The following SCN9A variants were observed in gnomAD, a reference collection of about 807,000 sequenced individuals.
The protein encoded by SCN9A is sodium channel protein type 9 subunit alpha.
Under a neutral mutation model 187.0 loss-of-function variants are expected in SCN9A, and 131 were observed. The ratio of observed to expected loss-of-function variants is 0.70; its 90% CI spans 0.61 to 0.81. SCN9A has a LOEUF of 0.81. SCN9A is among the 30% of genes least tolerant of loss of function. SCN9A has a pLI of 0.00. For missense variants in SCN9A, 2,252 were observed against 2,396.6 expected (o/e 0.94, Z 1.26); for synonymous variants, 809 against 808.6 (o/e 1.00, Z -0.01).
chr2:166,351,237 G>T (rs1700026860), intron 1 of SCN9A, among the ~76,000 whole-genome samples: 1 of 152,134 alleles, frequency 6.6e-6, no homozygotes, highest in African/African-American at 2.4e-5. Flanking sequence ...GGTGAAATGA[G>T]AAAGTCAGAA....
intron 1 of SCN9A, among the ~76,000 whole-genome samples, chr2:166,350,152 T>A (rs900012652): frequency 7.2e-5 from 11 of 152,210 alleles, no homozygotes. Context: ...CTTTCAACTA[T>A]GATGTCAATA....
At chr2:166,309,943 G>A (rs1441094050) in intron 2 of SCN9A, among the ~76,000 whole-genome samples, 1 of 129,728 alleles carries the variant, frequency 7.7e-6, no homozygotes, top group Non-Finnish European at 1.6e-5. Flanking sequence ...CAGAAATAAC[G>A]CCACATATCT....
At chr2:166,284,315 T>C (rs1439586448) in intron 12 of SCN9A, 138 bp downstream of exon 12, 5 of 983,630 alleles carry the variant, frequency 5.1e-6, no homozygotes, top group Non-Finnish European at 7.5e-6. Flanking sequence ...GGCTAATGAA[T>C]CAAAGGTGTG....
intron 8 of SCN9A, among the ~76,000 whole-genome samples, chr2:166,294,084 G>A (rs1698196224): frequency 6.6e-6 from 1 of 152,160 alleles, no homozygotes. Flanking sequence ...GTGTAAGAGA[G>A]AAGCAGCAAG....
rs1697752108 is a variant in SCN9A at position 166,286,504 on chromosome 2, G to T, written c.1434C>A (p.Asn478Lys). The stretch of plus-strand genomic sequence containing the variant: ...TCTTTTGATTCTTTTTCTTTCTTCT[G>T]TTTCTTCTTTCTTTAGCACTTTTAG... The part of the protein sequence containing the change: ...LSSKSAKERR[N>K]RRKKKNQKKL... The change falls in exon 11 of 27, where the codon AAC becomes AAA. Residue 478 changes from asparagine to lysine, a missense_variant. Coordinates refer to ENST00000642356, the MANE Select transcript of SCN9A (RefSeq NM_001365536.1). The T allele has an allele frequency of 6.2e-7, 1 of 1,613,178 alleles. No homozygotes were observed. Among genetic ancestry groups the T allele is most frequent in the Non-Finnish European group, 8.5e-7 (1 of 1,179,650 alleles).
At position 166,286,632 on chromosome 2, in the gene SCN9A, G is replaced by T; in HGVS notation, c.1315-9C>A. The T allele has an allele frequency of 1.3e-6, 2 of 1,517,884 alleles. No homozygotes were observed. Among genetic ancestry groups the T allele is most frequent in the Non-Finnish European group, 1.8e-6 (2 of 1,138,798 alleles). 94.0% of individuals were successfully genotyped at this position (1,517,884 alleles called of 1,614,324 possible). ...GCTGCCGCTGCAATTGCCTGGTTGGGCCAAGACGTTAACACTTAAATGAGT... is the reference window on the plus strand; with the variant it reads ...GCTGCCGCTGCAATTGCCTGGTTGGTCCAAGACGTTAACACTTAAATGAGT... On this transcript the variant is annotated splice_polypyrimidine_tract_variant and intron_variant, in intron 10 of 26. Transcript: ENST00000642356.
chr2:166,337,170 A>C (rs1699649068), intron 1 of SCN9A, among the ~76,000 whole-genome samples: 1 of 152,100 alleles, frequency 6.6e-6, no homozygotes, highest in South Asian at 2.1e-4. Flanking sequence ...AAAGGCTGGA[A>C]ATGGCAGTTG....
intron 1 of SCN9A, among the ~76,000 whole-genome samples, chr2:166,320,017 A>C (rs1329325353): frequency 6.6e-6 from 1 of 152,168 alleles, no homozygotes; most frequent in Non-Finnish European, 1.5e-5. Flanking sequence ...GCAGAAAGAG[A>C]AAAGTTTACA....
chr2:166,296,247 C>T (rs1408019598), intron 7 of SCN9A: 1 of 152,144 alleles, frequency 6.6e-6, no homozygotes, highest in Non-Finnish European at 1.5e-5. Flanking sequence ...ATGTAAACCA[C>T]TTGATACTGT....
intron 17 of SCN9A, among the ~76,000 whole-genome samples, chr2:166,262,669 A>G (rs1696559442): frequency 6.6e-6 from 1 of 151,996 alleles, no homozygotes; most frequent in Non-Finnish European, 1.5e-5. Flanking sequence ...TTAAATTTAA[A>G]AAGACCCCCA....
At chr2:166,314,021 C>T (rs1229569995) in intron 1 of SCN9A, among the ~76,000 whole-genome samples, 1 of 152,144 alleles carries the variant, frequency 6.6e-6, no homozygotes, top group Admixed American at 6.6e-5. Context: ...TGATTGTTTG[C>T]TGTCTTATGT....
chr2:166,210,076 G>C (rs1314723222), intron 24 of SCN9A, among the ~76,000 whole-genome samples: 1 of 152,122 alleles, frequency 6.6e-6, no homozygotes, highest in African/African-American at 2.4e-5. Context: ...AACAATGATA[G>C]ACTGGATTAA....
At position 166,276,701 on chromosome 2, in the gene SCN9A, C is replaced by T. The variant is rs559900659; in HGVS notation, c.2874+282G>A. 4.7e-5 allele frequency: 9 copies of T among 192,672 alleles called. No homozygotes were observed. In the East Asian group the frequency reaches 1.1e-3, roughly 24 times the overall value. The allele number at this position is 192,672 out of a possible 1,614,324, so 11.9% of individuals were successfully genotyped here. ...ATTTACTAGTATAGCTTCAAGAGAG[C>T]ATATGCCATCACTTTCAAAATTAGA... On this transcript the variant is annotated intron_variant, in intron 16 of 26. Transcript: ENST00000642356.
intron 18 of SCN9A, among the ~76,000 whole-genome samples, chr2:166,245,223 A>T (rs1488579511): frequency 1.6e-4 from 24 of 152,090 alleles, no homozygotes; most frequent in Admixed American, 1.6e-3. Context: ...TTTGAGAAAC[A>T]ATTTGATATA....
chr2:166,276,541 T>A (rs1697244781), intron 16 of SCN9A: 1 of 152,746 alleles, frequency 6.5e-6, no homozygotes, highest in African/African-American at 2.4e-5. Context: ...CTGGCTTTGG[T>A]CTGTGGGGCA....
chr2:166,370,557 T>A (rs113698317), intron 1 of SCN9A, among the ~76,000 whole-genome samples: 30,343 of 138,090 alleles, frequency 0.22, 3,944 homozygotes, highest in Non-Finnish European at 0.31. Flanking sequence ...AAATAAAAAA[T>A]AAAAAAAAAA....
rs1698680345 is a variant in SCN9A at position 166,304,306 on chromosome 2, A to G, written c.620T>C (p.Leu207Pro). 1 of 1,613,300 alleles carries G rather than the reference A, an allele frequency of 6.2e-7. No individual in the cohort carries two copies. The highest frequency in any genetic ancestry group is 8.5e-7 in the Non-Finnish European group (1 of 1,179,320). The change falls in exon 6 of 27, where the codon CTA (leucine) becomes CCA (proline). Residue 207 changes from leucine to proline, a missense_variant. Transcript: ENST00000642356. The stretch of plus-strand genomic sequence containing the variant: ...AGTTCGAAGAGCTGAAACATTGCCT[A>G]GGTTTACAAATTCTGTTAAATACCT... ...VFAYLTEFVNLGNVSALRTFR... is the reference protein window; with the variant it reads ...VFAYLTEFVNPGNVSALRTFR...
intron 1 of SCN9A, among the ~76,000 whole-genome samples, chr2:166,340,667 C>CTGTA (rs559826745): frequency 8.6e-5 from 13 of 151,244 alleles, no homozygotes; most frequent in Admixed American, 4.6e-4. Flanking sequence ...GTCACCCAGG[C>CTGTA]TGTAGTGCAG....
intron 10 of SCN9A, among the ~76,000 whole-genome samples, chr2:166,287,448 T>C (rs956190786): frequency 1.3e-5 from 2 of 152,158 alleles, no homozygotes; most frequent in African/African-American, 4.8e-5. Flanking sequence ...ACAATTTTCA[T>C]AATTTTCTTA....
Sources: gnomAD v4.1 joint callset for allele counts (sites outside exome capture counted in the v4.1 genomes callset) on GRCh38, gnomAD v4.1.1 for gene constraint, MANE v1.5 for transcripts, NCBI Gene and HGNC (gene_info 2026-07-23, HGNC 2026-07-21) for gene names.